The following NUDT19 variants were observed in gnomAD, a reference collection of about 807,000 sequenced individuals.
NUDT19 encodes the protein acyl-coenzyme A diphosphatase NUDT19.
A neutral mutation model predicts 22.2 loss-of-function variants in NUDT19; 31 were observed. The observed-to-expected ratio is 1.40, with a 90% CI of 1.05 to 1.89. The LOEUF is 1.89. NUDT19 is among the 40% of genes most tolerant of loss of function. The pLI is 0.00. For synonymous variants in NUDT19, 325 were observed against 230.8 expected (o/e 1.41, Z -3.70); for missense variants, 752 against 514.2 (o/e 1.46, Z -4.47).
intron 1 of NUDT19, among the ~76,000 whole-genome samples, chr19:32,704,731 C>T (rs1003463520): frequency 6.6e-6 from 1 of 152,106 alleles, no homozygotes; most frequent in African/African-American, 2.4e-5. Context: ...CCCACTTCAT[C>T]ATGTCTTGCA....
chr19:32,709,432 A>T, intron 2 of NUDT19, 40 bp downstream of exon 2: 1 of 1,531,650 alleles, frequency 6.5e-7, no homozygotes, highest in African/African-American at 1.4e-5. Flanking sequence ...TAGTATTCAC[A>T]TTCAGTGCCC....
chr19:32,701,537 G>A (rs1968336337), intron 1 of NUDT19, among the ~76,000 whole-genome samples: 1 of 152,110 alleles, frequency 6.6e-6, no homozygotes, highest in Admixed American at 6.6e-5. Context: ...TGTTTCATCA[G>A]GTGCTGAGAG....
rs1280500794 is a variant in NUDT19, at chr19:32,692,413, A to C, written c.453A>C (p.Ala151=). 6.4e-7 allele frequency: 1 copy of C among 1,562,044 alleles called. No homozygotes were observed. The part of the protein sequence containing the change: ...LRPRTSPPGP[A]PGPGLALEPP... ...CCAGGACTTCCCCACCAGGCCCAGC[A>C]CCCGGGCCTGGCCTCGCCCTGGAGC... is the stretch of plus-strand genomic sequence containing the variant. The change falls in exon 1 of 3, where the codon GCA becomes GCC. Residue 151 remains alanine, a synonymous_variant. Transcript: ENST00000397061.
intron 1 of NUDT19, among the ~76,000 whole-genome samples, chr19:32,697,074 GT>G (rs746787574): frequency 1.3e-5 from 2 of 152,078 alleles, no homozygotes; most frequent in Non-Finnish European, 2.9e-5. Context: ...TTTAAAAAGT[GT>G]CCTTGTAAAC....
chr19:32,692,400 C>T lies in NUDT19; in HGVS notation c.440C>T (p.Pro147Leu), dbSNP rs1968200951. 1 of 1,575,082 alleles carries T rather than the reference C, an allele frequency of 6.3e-7. No homozygotes were observed. Among genetic ancestry groups the T allele is most frequent in the Non-Finnish European group, 8.6e-7 (1 of 1,168,618 alleles). ...GVLLLRPRTS[P>L]PGPAPGPGLA... Reference sequence around the variant, plus strand: ...CTGCTGCTGCGGCCCAGGACTTCCCCACCAGGCCCAGCACCCGGGCCTGGC... The same window carrying T: ...CTGCTGCTGCGGCCCAGGACTTCCCTACCAGGCCCAGCACCCGGGCCTGGC... The change falls in exon 1 of 3, where the codon CCA becomes CTA. Residue 147 changes from proline to leucine, a missense_variant. Physicochemically the swap from Pro to Leu is moderately conservative, Grantham distance 98. Transcript: ENST00000397061.
chr19:32,693,983 T>C (rs1207486547), intron 1 of NUDT19, among the ~76,000 whole-genome samples: 1 of 152,216 alleles, frequency 6.6e-6, no homozygotes, highest in Non-Finnish European at 1.5e-5. Flanking sequence ...GGGAACTCTC[T>C]AGGCCAGTGA....
intron 1 of NUDT19, among the ~76,000 whole-genome samples, chr19:32,699,278 G>A (rs1279629552): frequency 6.6e-6 from 1 of 152,216 alleles, no homozygotes; most frequent in Non-Finnish European, 1.5e-5. Context: ...AAAGGCGAGA[G>A]GAAGTTTGTC....
intron 2 of NUDT19, 57 bp from the exon 3 acceptor site, chr19:32,711,695 C>A: frequency 1.0e-6 from 1 of 977,790 alleles, no homozygotes; most frequent in Non-Finnish European, 1.6e-6. Flanking sequence ...ATACTTTCTG[C>A]CATGGTGAAA....
At chr19:32,694,139 G>A (rs565909518) in intron 1 of NUDT19, among the ~76,000 whole-genome samples, 100 of 152,326 alleles carry the variant, frequency 6.6e-4, no homozygotes, top group African/African-American at 2.3e-3. Flanking sequence ...TACAGGGCCC[G>A]AAGGCGAGTA....
chr19:32,702,735 A>G (rs755313435), intron 1 of NUDT19, among the ~76,000 whole-genome samples: 1 of 152,230 alleles, frequency 6.6e-6, no homozygotes, highest in Non-Finnish European at 1.5e-5. Context: ...GGTTAGATTC[A>G]TATCTACCAT....
Position 32,711,966 on chromosome 19 carries a change from A to C in NUDT19, c.*9A>C. 6.3e-7 allele frequency: 1 copy of C among 1,587,572 alleles called. No individual in the cohort carries two copies. The highest frequency in any genetic ancestry group is 8.6e-7 in the Non-Finnish European group (1 of 1,157,058). The stretch of plus-strand genomic sequence containing the variant: ...GAAAAAGCCATTTGTAGGGTGCTTA[A>C]GCTTGTTTGTAAAATGGCCTACTTG... On this transcript the variant is annotated 3_prime_UTR_variant, in exon 3 of 3. Transcript: ENST00000397061.
intron 1 of NUDT19, among the ~76,000 whole-genome samples, chr19:32,703,648 CTTTTTTTTTTTTTTT>C (rs60766132): frequency 5.9e-5 from 4 of 68,344 alleles, no homozygotes; most frequent in East Asian, 1.2e-3. Flanking sequence ...TGTGCCCAGC[CTTTTTTTTTTTTTTT>C]TTTTTTTTTT....
At chr19:32,710,420 CAAAA>C (rs34357522) in intron 2 of NUDT19, among the ~76,000 whole-genome samples, 3 of 107,048 alleles carry the variant, frequency 2.8e-5, no homozygotes, top group Non-Finnish European at 5.9e-5. Context: ...ACTGAAAATA[CAAAA>C]AAAAAAAAAA....
At position 32,692,661 on chromosome 19, in the gene NUDT19, T is replaced by C; in HGVS notation, c.701T>C (p.Val234Ala). 2 of 1,509,736 alleles carry C rather than the reference T, an allele frequency of 1.3e-6. No individual in the cohort carries two copies. The highest frequency in any genetic ancestry group is 2.4e-5 in the East Asian group (1 of 41,392). 93.5% of individuals were successfully genotyped at this position (1,509,736 alleles called of 1,614,324 possible). A position where few individuals can be genotyped will look rare whatever the true frequency, so the allele number is the denominator to read the frequency against. ...PPPVYPDLAE[V>A]VGYQWSSPSE... ...CCCGTCTACCCCGACTTGGCGGAGG[T>C]GGTGGGCTACCAGGTAAGGCCTGCT... is the stretch of plus-strand genomic sequence containing the variant. Residue 234 changes from valine to alanine, a missense_variant, in exon 1 of 3, where the codon GTG becomes GCG. Physicochemically the swap from Val to Ala is moderately conservative, Grantham distance 64. Transcript: ENST00000397061.
At chr19:32,704,041 G>A (rs540727896) in intron 1 of NUDT19, among the ~76,000 whole-genome samples, 2 of 152,190 alleles carry the variant, frequency 1.3e-5, no homozygotes, top group African/African-American at 2.4e-5. Flanking sequence ...GCCTAAAGAA[G>A]TTTCTCTAAT....
intron 1 of NUDT19, among the ~76,000 whole-genome samples, chr19:32,704,542 G>A (rs942044339): frequency 6.6e-6 from 1 of 152,038 alleles, no homozygotes; most frequent in Non-Finnish European, 1.5e-5. Flanking sequence ...TTACAGGCGT[G>A]AGCCACCATG....
chr19:32,713,671 C>G lies in NUDT19; in HGVS notation c.*1714C>G, dbSNP rs1328476065. ...AGAAATGATAGTTAAGACACCAATT[C>G]CATGTCCAGATCTTTGACTGTATCA... On this transcript the variant is annotated 3_prime_UTR_variant, in exon 3 of 3. Transcript: ENST00000397061. 6.6e-6 allele frequency: 1 copy of G among 152,148 alleles called. No homozygotes were observed. Among genetic ancestry groups the G allele is most frequent in the Non-Finnish European group, 1.5e-5 (1 of 68,026 alleles). 9.4% of individuals were successfully genotyped at this position (152,148 alleles called of 1,614,324 possible).
intron 1 of NUDT19, among the ~76,000 whole-genome samples, chr19:32,695,019 T>A (rs1313623025): frequency 6.6e-6 from 1 of 152,210 alleles, no homozygotes; most frequent in Non-Finnish European, 1.5e-5. Flanking sequence ...GATCCCCTGT[T>A]AGGAACCTGC....
chr19:32,711,754 G>T lies in NUDT19; in HGVS notation c.925G>T (p.Asp309Tyr). 1 of 1,574,416 alleles carries T rather than the reference G, an allele frequency of 6.4e-7. No individual in the cohort carries two copies. Among genetic ancestry groups the T allele is most frequent in the Non-Finnish European group, 8.7e-7 (1 of 1,147,776 alleles). The change falls in exon 3 of 3, where the codon GAT becomes TAT. Residue 309 changes from aspartate to tyrosine, a missense_variant and splice_region_variant. Asp to Tyr is a radical substitution (Grantham distance 160, BLOSUM62 -3). Transcript: ENST00000397061. Reference sequence around the variant, plus strand: ...AATCAGATTTTTTCCTTTTTCAGGTGATGAGCTATATTTAGAAGATTCAGA... The same window carrying T: ...AATCAGATTTTTTCCTTTTTCAGGTTATGAGCTATATTTAGAAGATTCAGA... Reference protein sequence around the residue: ...ADGMVHLLPGDELYLEDSDFL... With the variant: ...ADGMVHLLPGYELYLEDSDFL...
Sources: gnomAD v4.1 joint callset for allele counts (sites outside exome capture counted in the v4.1 genomes callset) on GRCh38, gnomAD v4.1.1 for gene constraint, MANE v1.5 for transcripts, NCBI Gene and HGNC (gene_info 2026-07-23, HGNC 2026-07-21) for gene names.